Variants in PDE4B observed in about 807,000 individuals in gnomAD.
PDE4B encodes phosphodiesterase 4B.
In PDE4B, 20 loss-of-function variants were observed where a neutral mutation model predicts 82.2. The observed-to-expected ratio is 0.24, with a 90% CI of 0.17 to 0.35. The LOEUF (loss-of-function observed/expected upper bound fraction) is 0.35, where lower values mean the gene tolerates loss of function less well. PDE4B is among the 10% of genes least tolerant of loss of function. PDE4B has a pLI of 1.00. For synonymous variants in PDE4B, 320 were observed against 318.9 expected (o/e 1.00, Z -0.04); for missense variants, 655 against 907.2 (o/e 0.72, Z 3.57).
At chr1:66,090,879 A>C (rs888458879) in intron 3 of PDE4B, among the ~76,000 whole-genome samples, 2 of 151,912 alleles carry the variant, frequency 1.3e-5, no homozygotes, top group South Asian at 4.1e-4. Flanking sequence ...GAGAATGTTG[A>C]AAGTCATAGG....
At chr1:66,266,394 A>T (rs532511945) in intron 7 of PDE4B, among the ~76,000 whole-genome samples, 2 of 152,136 alleles carry the variant, frequency 1.3e-5, no homozygotes, top group African/African-American at 2.4e-5. Flanking sequence ...GTGCAGCTTG[A>T]CCTCAGCTTG....
chr1:65,828,749 T>G (rs1352734677), intron 1 of PDE4B, among the ~76,000 whole-genome samples: 1 of 152,194 alleles, frequency 6.6e-6, no homozygotes, highest in Non-Finnish European at 1.5e-5. Context: ...TGACTTATTT[T>G]GTTAAAATAT....
chr1:65,937,315 T>C (rs2100536113), intron 3 of PDE4B, among the ~76,000 whole-genome samples: 1 of 152,266 alleles, frequency 6.6e-6, no homozygotes, highest in East Asian at 1.9e-4. Context: ...ACATTCGTTA[T>C]TGTGGAGGGG....
In PDE4B at chr1:66,260,707, T is replaced by C. The variant is rs541518157; in HGVS notation, c.584+2844T>C. On this transcript the variant is annotated intron_variant, in intron 6 of 16. Transcript: ENST00000341517. ...GAACATTCAGCCCAACCCTGCTGAT[T>C]AATAAGCTGTGCCAACTGAAACAAC... 5.3e-5 allele frequency among the ~76,000 whole-genome samples: 8 copies of C among 152,274 alleles called. No homozygotes were observed. In the South Asian group the frequency reaches 1.7e-3, roughly 32 times the overall value.
chr1:66,001,007 T>C (rs1457199295), intron 3 of PDE4B, among the ~76,000 whole-genome samples: 3 of 152,172 alleles, frequency 2.0e-5, no homozygotes, highest in Admixed American at 2.0e-4. Flanking sequence ...ACAAATTCTA[T>C]AATCTCCAAG....
intron 3 of PDE4B, among the ~76,000 whole-genome samples, chr1:66,193,983 C>A (rs1480342519): frequency 2.1e-5 from 3 of 144,490 alleles, no homozygotes; most frequent in African/African-American, 7.6e-5. Context: ...TCAACAACTT[C>A]TCTTGGTATC....
chr1:66,154,826 T>C (rs543584951), intron 3 of PDE4B, among the ~76,000 whole-genome samples: 23 of 152,310 alleles, frequency 1.5e-4, no homozygotes, highest in African/African-American at 5.3e-4. Flanking sequence ...AAGTGCTTTT[T>C]CCAAGCCCCT....
intron 3 of PDE4B, among the ~76,000 whole-genome samples, chr1:66,149,869 A>G (rs1646356294): frequency 6.6e-6 from 1 of 152,182 alleles, no homozygotes; most frequent in Admixed American, 6.5e-5. Context: ...TATATAAAAT[A>G]AGATAAATAA....
At chr1:66,243,258 G>A (rs561016165) in intron 3 of PDE4B, among the ~76,000 whole-genome samples, 1 of 152,252 alleles carries the variant, frequency 6.6e-6, no homozygotes, top group African/African-American at 2.4e-5. Context: ...TGGGGTCTGA[G>A]GTGGGTATAG....
intron 3 of PDE4B, among the ~76,000 whole-genome samples, chr1:66,165,639 A>T (rs1296604169): frequency 6.6e-6 from 1 of 152,148 alleles, no homozygotes; most frequent in East Asian, 1.9e-4. Context: ...AATTCCCTTT[A>T]TAATAGCATC....
intron 4 of PDE4B, among the ~76,000 whole-genome samples, chr1:66,252,030 G>A (rs1653824868): frequency 6.6e-6 from 1 of 152,092 alleles, no homozygotes; most frequent in African/African-American, 2.4e-5. Flanking sequence ...AGGCTGCCAT[G>A]ATATTCATGT....
chr1:65,983,806 A>G (rs967934571), intron 3 of PDE4B, among the ~76,000 whole-genome samples: 1 of 6,278 alleles, frequency 1.6e-4, no homozygotes, highest in African/African-American at 1.7e-4. Flanking sequence ...AAGCCCTAAT[A>G]ACGTAATATA....
At chr1:66,024,835 A>C (rs889100130) in intron 3 of PDE4B, among the ~76,000 whole-genome samples, 1 of 152,066 alleles carries the variant, frequency 6.6e-6, no homozygotes, top group Non-Finnish European at 1.5e-5. Context: ...AATATCCTCT[A>C]GAATGGTGAT....
At chr1:66,319,041 T>C (rs569725175) in intron 7 of PDE4B, among the ~76,000 whole-genome samples, 70 of 152,240 alleles carry the variant, frequency 4.6e-4, no homozygotes, top group Non-Finnish European at 7.2e-4. Context: ...TGAAAGCGCA[T>C]GTCAACTGGT....
In PDE4B at chr1:66,365,670, G is replaced by C; in HGVS notation, c.1288G>C (p.Val430Leu). 1.2e-6 allele frequency: 2 copies of C among 1,601,806 alleles called. No individual in the cohort carries two copies. The highest frequency in any genetic ancestry group is 8.5e-7 in the Non-Finnish European group (1 of 1,169,808). ...VLLSTPALDA[V>L]FTDLEILAAI... ...AATGTGTTTATTTGCCCGACAGGCT[G>C]TCTTCACAGATTTGGAGATCCTGGC... is the stretch of plus-strand genomic sequence containing the variant. Residue 430 changes from valine to leucine, a missense_variant, in exon 13 of 17, where the codon GTC becomes CTC. This residue lies in a region of PDE4B where 283 missense variants were observed against 516.4 expected (regional missense o/e 0.55). Transcript: ENST00000341517.
In PDE4B at chr1:65,913,227, T is replaced by G; in HGVS notation, c.-70-18T>G. 1 of 1,092,216 alleles carries G rather than the reference T, an allele frequency of 9.2e-7. No homozygotes were observed. Among genetic ancestry groups the G allele is most frequent in the Non-Finnish European group, 1.4e-6 (1 of 715,354 alleles). The allele number at this position is 1,092,216 out of a possible 1,614,324, so 67.7% of individuals were successfully genotyped here. On this transcript the variant is annotated intron_variant, in intron 1 of 16. Transcript: ENST00000341517. ...GGATACAGAGCTGTTCTTTTTTGTG[T>G]GTTTTTTTCTCCTGTAGGTATTAAA...
At chr1:65,873,407 T>A (rs1646597202) in intron 1 of PDE4B, among the ~76,000 whole-genome samples, 1 of 152,182 alleles carries the variant, frequency 6.6e-6, no homozygotes, top group Admixed American at 6.6e-5. Context: ...GATCACTGAA[T>A]ATTTTTAGGT....
At chr1:66,190,107 C>A (rs1419160817) in intron 3 of PDE4B, among the ~76,000 whole-genome samples, 3 of 152,162 alleles carry the variant, frequency 2.0e-5, no homozygotes, top group Non-Finnish European at 4.4e-5. Context: ...CACTCCAGAC[C>A]CTGTTTGCCT....
intron 3 of PDE4B, among the ~76,000 whole-genome samples, chr1:66,088,800 G>A (rs924573555): frequency 6.6e-6 from 1 of 152,018 alleles, no homozygotes; most frequent in Admixed American, 6.6e-5. Context: ...ATTTAGCTAC[G>A]TGACTAGCTT....
Sources: allele counts gnomAD v4.1 joint callset (sites outside exome capture counted in the v4.1 genomes callset), GRCh38; gene constraint gnomAD v4.1.1; regional missense constraint gnomAD v4.1.1; transcripts MANE v1.5; gene names NCBI Gene and HGNC (gene_info 2026-07-23, HGNC 2026-07-21).